XRRA1: variants seen among roughly 807,000 people sequenced by gnomAD.
The protein encoded by XRRA1 is X-ray radiation resistance associated 1, also known as X-ray radiation resistance-associated protein 1.
In XRRA1, 69 loss-of-function variants were observed where a neutral mutation model predicts 80.2. The observed-to-expected ratio is 0.86, with a 90% confidence interval of 0.71 to 1.05. XRRA1 has a LOEUF of 1.05. Among genes scored for constraint, XRRA1 ranks in the 50% least tolerant of loss-of-function variants. XRRA1 has a pLI of 0.00. For synonymous variants in XRRA1, 348 were observed against 389.9 expected, an observed-to-expected ratio of 0.89 and a Z score of 1.27; for missense variants, 967 against 976.4, an observed-to-expected ratio of 0.99 and a Z score of 0.13.
intron 10 of XRRA1, among the ~76,000 whole-genome samples, chr11:74,875,100 A>C (rs2045750688): frequency 1.3e-5 from 2 of 152,240 alleles, no homozygotes; most frequent in Non-Finnish European, 2.9e-5. Context: ...ACACTTTCCT[A>C]CTACTAAAGA....
At chr11:74,926,864 C>A (rs1217870537) in intron 7 of XRRA1, among the ~76,000 whole-genome samples, 1 of 152,178 alleles carries the variant, frequency 6.6e-6, no homozygotes, top group Non-Finnish European at 1.5e-5. Context: ...TATTCATACT[C>A]ATCTCCGAGG....
intron 1 of XRRA1, among the ~76,000 whole-genome samples, chr11:74,946,489 G>T (rs1404827184): frequency 1.3e-5 from 2 of 152,168 alleles, no homozygotes; most frequent in Non-Finnish European, 2.9e-5. Context: ...CTGTTGCCAT[G>T]TAAGACTTGC....
At chr11:74,926,703 A>C (rs1202587648) in intron 7 of XRRA1, among the ~76,000 whole-genome samples, 1 of 152,174 alleles carries the variant, frequency 6.6e-6, no homozygotes, top group African/African-American at 2.4e-5. Context: ...TTGAACTATA[A>C]GGACATGTGC....
chr11:74,922,849 A>G (rs1380154258), intron 7 of XRRA1, among the ~76,000 whole-genome samples: 2 of 152,188 alleles, frequency 1.3e-5, no homozygotes, highest in East Asian at 3.9e-4. Flanking sequence ...ATGTAGATAA[A>G]GCCTTTATAC....
chr11:74,914,399 C>A (rs1565393925), intron 8 of XRRA1, among the ~76,000 whole-genome samples: 1 of 152,250 alleles, frequency 6.6e-6, no homozygotes, highest in Non-Finnish European at 1.5e-5. Flanking sequence ...CAAGGTTCTA[C>A]AACAGGTCCC....
intron 10 of XRRA1, among the ~76,000 whole-genome samples, chr11:74,887,892 C>T (rs545418515): frequency 1.3e-5 from 2 of 152,252 alleles, no homozygotes; most frequent in African/African-American, 2.4e-5. Context: ...CCCGCCATTG[C>T]CGAGGCTTGA....
intron 16 of XRRA1, 63 bp from the exon 17 acceptor site, chr11:74,844,346 T>C: frequency 1.6e-6 from 2 of 1,224,588 alleles, no homozygotes; most frequent in Non-Finnish European, 2.4e-6. Flanking sequence ...ATGCCTCCCC[T>C]GATTGCTTCA....
At chr11:74,932,600 A>G (rs756373821) in intron 5 of XRRA1, among the ~76,000 whole-genome samples, 8 of 152,232 alleles carry the variant, frequency 5.3e-5, no homozygotes, top group Non-Finnish European at 1.2e-4. Context: ...ACGGTATCCA[A>G]TGAGGGGACT....
chr11:74,901,684 T>C (rs147481241), intron 10 of XRRA1, among the ~76,000 whole-genome samples: 3 of 152,188 alleles, frequency 2.0e-5, no homozygotes, highest in Non-Finnish European at 2.9e-5. Context: ...AGAACACACA[T>C]TGGGGAAAAG....
At chr11:74,906,701 A>T in intron 9 of XRRA1, 1 of 553,864 alleles carries the variant, frequency 1.8e-6, no homozygotes, top group Non-Finnish European at 3.2e-6. Context: ...GGCCTGGCAC[A>T]AAGTAGTATT....
rs769014980 is a variant in XRRA1, at chr11:74,842,318, T to C, written c.*882A>G. On this transcript the variant is annotated 3_prime_UTR_variant, in exon 19 of 19. Coordinates refer to ENST00000684022, the MANE Select transcript of XRRA1 (RefSeq NM_001378157.1). ...AATCAAGTGGGCTGATGTGTTGTTATTTAAACAGTACCAAAGTGCATTCTT... is the reference window on the plus strand; with the variant it reads ...AATCAAGTGGGCTGATGTGTTGTTACTTAAACAGTACCAAAGTGCATTCTT... The C allele has an allele frequency of 1.1e-4, 17 of 152,224 alleles. No homozygotes were observed. Among genetic ancestry groups the C allele is most frequent in the Non-Finnish European group, 2.2e-4 (15 of 68,038 alleles). The allele number at this position is 152,224 out of a possible 1,614,324, so 9.4% of individuals were successfully genotyped here. A position where few individuals can be genotyped will look rare whatever the true frequency, so the allele number is the denominator to read the frequency against.
At chr11:74,914,219 C>T (rs1324213373) in intron 8 of XRRA1, among the ~76,000 whole-genome samples, 1 of 152,224 alleles carries the variant, frequency 6.6e-6, no homozygotes, top group Non-Finnish European at 1.5e-5. Flanking sequence ...CTCCTGACCT[C>T]AAGTGATCCA....
chr11:74,856,386 C>T (rs1398920328), intron 12 of XRRA1, among the ~76,000 whole-genome samples: 1 of 152,050 alleles, frequency 6.6e-6, no homozygotes, highest in Non-Finnish European at 1.5e-5. Context: ...GGAAAGAGTG[C>T]TGCTCCAACC....
intron 12 of XRRA1, among the ~76,000 whole-genome samples, chr11:74,857,604 C>CTAAGTTAACCTAAGTT (rs2041417040): frequency 1.3e-5 from 2 of 152,078 alleles, no homozygotes; most frequent in African/African-American, 4.8e-5. Flanking sequence ...GTGACACAAC[C>CTAAGTTAACCTAAGTT]AACCACCTTA....
At chr11:74,879,968 T>C (rs2047100145) in intron 10 of XRRA1, among the ~76,000 whole-genome samples, 1 of 152,108 alleles carries the variant, frequency 6.6e-6, no homozygotes, top group Non-Finnish European at 1.5e-5. Flanking sequence ...ATCAGAATGA[T>C]GCTGGCCTCA....
At chr11:74,885,856 T>G (rs541160393) in intron 10 of XRRA1, among the ~76,000 whole-genome samples, 1 of 152,260 alleles carries the variant, frequency 6.6e-6, no homozygotes, top group South Asian at 2.1e-4. Flanking sequence ...ATCAAAAAGT[T>G]TATCCACCAT....
At position 74,844,341 on chromosome 11, in the gene XRRA1, T is replaced by C. The variant is rs1038772175; in HGVS notation, c.1928-58A>G. ...CTTCCCCCTCCTCCTCCCAGATGCC[T>C]CCCCTGATTGCTTCATTCCTCAGTC... On this transcript the variant is annotated intron_variant, in intron 16 of 18. Coordinates refer to ENST00000684022, the MANE Select transcript of XRRA1 (RefSeq NM_001378157.1). The C allele has an allele frequency of 1.2e-5, 16 of 1,282,546 alleles. No individual in the cohort carries two copies. The Admixed American group carries it at 2.9e-4, about 23-fold the overall frequency. 79.4% of individuals were successfully genotyped at this position (1,282,546 alleles called of 1,614,324 possible). A position where few individuals can be genotyped will look rare whatever the true frequency, so the allele number is the denominator to read the frequency against.
rs1948249434 is a variant in XRRA1, at chr11:74,949,089, A to C, written c.-234T>G. The stretch of plus-strand genomic sequence containing the variant: ...TAGTAACTGCGACGCGACGGCAGAC[A>C]GTGTAGGCGGCAACCGACGGCCGGG... On this transcript the variant is annotated 5_prime_UTR_variant, in exon 1 of 19. Transcript: ENST00000684022. 2.0e-6 allele frequency: 1 copy of C among 500,250 alleles called. No homozygotes were observed. Among genetic ancestry groups the C allele is most frequent in the East Asian group, 3.6e-5 (1 of 27,720 alleles). 31.0% of individuals were successfully genotyped at this position (500,250 alleles called of 1,614,324 possible).
intron 6 of XRRA1, among the ~76,000 whole-genome samples, chr11:74,929,554 T>C (rs1943036521): frequency 6.6e-6 from 1 of 152,214 alleles, no homozygotes. Flanking sequence ...TAGTTTCAAT[T>C]GTCCCCCACA....
Sources: gnomAD v4.1 joint callset for allele counts (sites outside exome capture counted in the v4.1 genomes callset) on GRCh38, gnomAD v4.1.1 for gene constraint, MANE v1.5 for transcripts, NCBI Gene and HGNC (gene_info 2026-07-23, HGNC 2026-07-21) for gene names.